The following GPC5 variants were observed in gnomAD, a reference collection of about 807,000 sequenced individuals.
GPC5 encodes the protein glypican-5.
A neutral mutation model predicts 53.9 loss-of-function variants in GPC5; 47 were observed. The observed-to-expected ratio is 0.87, with a 90% CI of 0.69 to 1.11. The LOEUF (loss-of-function observed/expected upper bound fraction) is 1.11, where lower values mean the gene tolerates loss of function less well. GPC5 is among the 50% of genes most tolerant of loss of function. GPC5 has a pLI of 0.00. For missense variants in GPC5, 748 were observed against 713.1 expected, an observed-to-expected ratio of 1.05 and a Z score of -0.56; for synonymous variants, 286 against 263.3, an observed-to-expected ratio of 1.09 and a Z score of -0.84.
chr13:92,787,253 G>A (rs1876272378), intron 7 of GPC5, among the ~76,000 whole-genome samples: 2 of 151,928 alleles, frequency 1.3e-5, no homozygotes, highest in South Asian at 2.1e-4. Context: ...AGATGATAGA[G>A]GAATTGGAGA....
intron 2 of GPC5, among the ~76,000 whole-genome samples, chr13:91,549,537 T>G (rs991782657): frequency 4.6e-5 from 7 of 152,096 alleles, no homozygotes; most frequent in African/African-American, 1.7e-4. Context: ...ATCCAAAATA[T>G]ACAAAGAACT....
Position 91,959,101 on chromosome 13 carries a change from C to A in GPC5, c.1401+51044C>A, listed in dbSNP as rs75956620. Among the ~76,000 whole-genome samples the A allele has an allele frequency of 9.6e-3, 1,370 of 142,498 alleles. 18 individuals are homozygous for A. The highest frequency in any genetic ancestry group is 0.035 in the African/African-American group (1,291 of 36,858). 93.5% of individuals were successfully genotyped at this position (142,498 alleles called of 152,430 possible). The stretch of plus-strand genomic sequence containing the variant: ...ACACACACACACACACACACACACA[C>A]ATCAATGATGAAACAGAAAGTTGTT... On this transcript the variant is annotated intron_variant, in intron 6 of 7. Coordinates refer to ENST00000377067, the MANE Select transcript of GPC5 (RefSeq NM_004466.6).
intron 6 of GPC5, among the ~76,000 whole-genome samples, chr13:91,911,351 C>A (rs1027200297): frequency 1.3e-5 from 2 of 152,010 alleles, no homozygotes; most frequent in Non-Finnish European, 2.9e-5. Flanking sequence ...TGAGACCAGC[C>A]TGGCCAATAT....
chr13:92,586,556 G>C (rs1421223636), intron 7 of GPC5, among the ~76,000 whole-genome samples: 2 of 152,188 alleles, frequency 1.3e-5, no homozygotes, highest in Non-Finnish European at 2.9e-5. Flanking sequence ...ATGAACTGGA[G>C]CAATGAACAG....
chr13:91,961,047 T>C (rs1224951996), intron 6 of GPC5, among the ~76,000 whole-genome samples: 1 of 151,294 alleles, frequency 6.6e-6, no homozygotes. Context: ...AATGGAGCTA[T>C]ATTAAACTTA....
At chr13:92,698,862 C>T (rs1326209790) in intron 7 of GPC5, among the ~76,000 whole-genome samples, 2 of 152,178 alleles carry the variant, frequency 1.3e-5, no homozygotes, top group Non-Finnish European at 2.9e-5. Context: ...GCCATTCTAA[C>T]TGGTGTGAGA....
intron 3 of GPC5, among the ~76,000 whole-genome samples, chr13:91,719,870 A>G (rs764329292): frequency 1.3e-5 from 2 of 151,058 alleles, no homozygotes; most frequent in African/African-American, 2.4e-5. Context: ...CTAAATCTCC[A>G]TTTAGATGAT....
intron 7 of GPC5, among the ~76,000 whole-genome samples, chr13:92,422,880 G>A (rs1876642540): frequency 6.6e-6 from 1 of 152,188 alleles, no homozygotes; most frequent in Admixed American, 6.5e-5. Context: ...AGCTGGGCTG[G>A]GTCACCTACT....
chr13:92,002,052 G>C (rs2040560368), intron 6 of GPC5, among the ~76,000 whole-genome samples: 1 of 151,962 alleles, frequency 6.6e-6, no homozygotes, highest in African/African-American at 2.4e-5. Flanking sequence ...TTCTGGTACT[G>C]ACATGAGAGG....
intron 5 of GPC5, among the ~76,000 whole-genome samples, chr13:91,812,247 A>AT (rs1180105601): frequency 6.6e-6 from 1 of 152,194 alleles, no homozygotes; most frequent in African/African-American, 2.4e-5. Context: ...AGTTGATTAA[A>AT]TCTTATTGTT....
intron 7 of GPC5, among the ~76,000 whole-genome samples, chr13:92,505,670 G>A (rs1250671469): frequency 6.6e-6 from 1 of 151,988 alleles, no homozygotes; most frequent in African/African-American, 2.4e-5. Context: ...GTTTATAGCA[G>A]TTCTCTTCAT....
At chr13:92,309,020 G>A (rs1163606628) in intron 7 of GPC5, among the ~76,000 whole-genome samples, 1 of 151,890 alleles carries the variant, frequency 6.6e-6, no homozygotes, top group Non-Finnish European at 1.5e-5. Context: ...TGTAAATATT[G>A]AGCACATTCA....
intron 2 of GPC5, among the ~76,000 whole-genome samples, chr13:91,557,311 G>T (rs1238360308): frequency 6.6e-6 from 1 of 152,066 alleles, no homozygotes; most frequent in African/African-American, 2.4e-5. Flanking sequence ...TAATGAGGTT[G>T]AACATCTTTT....
rs545554718 is a variant in GPC5, at chr13:91,760,742, T to G, written c.1280+4322T>G. 3.3e-5 allele frequency among the ~76,000 whole-genome samples: 5 copies of G among 152,310 alleles called. No individual in the cohort carries two copies. The South Asian group carries it at 1.0e-3, about 32-fold the overall frequency. On this transcript the variant is annotated intron_variant, in intron 5 of 7. Coordinates refer to ENST00000377067, the MANE Select transcript of GPC5 (RefSeq NM_004466.6). ...ACAGACTATTTTAATATCATGACAG[T>G]CCTGTAAAACTGTGTGAAATCACCT...
At chr13:91,794,542 A>G (rs555383583) in intron 5 of GPC5, among the ~76,000 whole-genome samples, 1 of 152,336 alleles carries the variant, frequency 6.6e-6, no homozygotes, top group South Asian at 2.1e-4. Context: ...TCTTAAAGAT[A>G]TTACATGTCT....
chr13:91,431,797 A>G (rs1330438034), intron 1 of GPC5, among the ~76,000 whole-genome samples: 1 of 152,198 alleles, frequency 6.6e-6, no homozygotes, highest in Non-Finnish European at 1.5e-5. Flanking sequence ...GCTGATGCCA[A>G]AGGAAGTATC....
chr13:91,658,686 CT>C (rs2034907866), intron 2 of GPC5, among the ~76,000 whole-genome samples: 1 of 152,156 alleles, frequency 6.6e-6, no homozygotes, highest in Non-Finnish European at 1.5e-5. Context: ...CCATTATTAG[CT>C]AAGCTTCCTA....
intron 7 of GPC5, among the ~76,000 whole-genome samples, chr13:92,551,146 A>G (rs970496908): frequency 2.6e-5 from 4 of 151,986 alleles, no homozygotes; most frequent in African/African-American, 9.6e-5. Context: ...AAACAGAGAT[A>G]ATTTCTTTAC....
chr13:92,811,708 A>AT (rs1439884106), intron 7 of GPC5, among the ~76,000 whole-genome samples: 1 of 151,738 alleles, frequency 6.6e-6, no homozygotes, highest in African/African-American at 2.4e-5. Flanking sequence ...ATTCCCCTAT[A>AT]TTTTTTTCTA....
Sources: gnomAD v4.1 joint callset for allele counts (sites outside exome capture counted in the v4.1 genomes callset) on GRCh38, gnomAD v4.1.1 for gene constraint, MANE v1.5 for transcripts, NCBI Gene and HGNC (gene_info 2026-07-23, HGNC 2026-07-21) for gene names.